Variants in ASTN1 observed in about 807,000 individuals in gnomAD.
ASTN1 encodes astrotactin 1.
ASTN1 carries 41 observed loss-of-function variants against 140.7 expected under a neutral mutation model. The ratio of observed to expected loss-of-function variants is 0.29; its 90% CI spans 0.23 to 0.38. The LOEUF (loss-of-function observed/expected upper bound fraction) is 0.38. Among genes scored for constraint, ASTN1 ranks in the 10% least tolerant of loss-of-function variants. The pLI is 1.00. For synonymous variants in ASTN1, 640 were observed against 652.2 expected, an observed-to-expected ratio of 0.98 and a Z score of 0.29; for missense variants, 1,479 against 1,678.8, an observed-to-expected ratio of 0.88 and a Z score of 2.08.
rs146733432 is a variant in ASTN1 at position 177,149,269 on chromosome 1, C to A, written c.283+15125G>T. Among the ~76,000 whole-genome samples, 417 of 67,220 alleles carry A rather than the reference C, an allele frequency of 6.2e-3. 48 individuals carry two copies. The highest frequency in any genetic ancestry group is 7.0e-3 in the Non-Finnish European group (293 of 41,830). 44.1% of individuals were successfully genotyped at this position (67,220 alleles called of 152,430 possible). ...ACTATATATAGTAAATATATATATA[C>A]TATATATAGTAAATATATATATAGT... On this transcript the variant is annotated intron_variant, in intron 1 of 22. Coordinates refer to ENST00000361833, the MANE Select transcript of ASTN1 (RefSeq NM_004319.3).
chr1:176,894,454 C>T (rs1308449578), intron 17 of ASTN1, 108 bp downstream of exon 17: 1 of 1,394,394 alleles, frequency 7.2e-7, no homozygotes, highest in African/African-American at 1.5e-5. Flanking sequence ...CCTCACTATC[C>T]ATATTCTAGC....
intron 16 of ASTN1, among the ~76,000 whole-genome samples, chr1:176,926,265 AC>A (rs1393566492): frequency 1.4e-5 from 2 of 145,774 alleles, no homozygotes; most frequent in African/African-American, 5.2e-5. Context: ...AGGCGATATA[AC>A]ATGCTTAGCA....
chr1:176,996,312 G>C (rs10913286), intron 8 of ASTN1, among the ~76,000 whole-genome samples: 53,842 of 144,220 alleles, frequency 0.37, 10,568 homozygotes, highest in Non-Finnish European at 0.45. Context: ...CACACACACA[G>C]AGAGAGAGAG....
chr1:176,920,522 C>G (rs1021874243), intron 16 of ASTN1, among the ~76,000 whole-genome samples: 3 of 152,164 alleles, frequency 2.0e-5, no homozygotes, highest in African/African-American at 7.2e-5. Context: ...TTTCGGGGTC[C>G]CTCTGAGGGC....
At chr1:176,886,161 T>C (rs1410352939) in intron 18 of ASTN1, among the ~76,000 whole-genome samples, 1 of 152,228 alleles carries the variant, frequency 6.6e-6, no homozygotes, top group Non-Finnish European at 1.5e-5. Flanking sequence ...CAGACTTGTG[T>C]AAAACTAAAG....
chr1:177,075,645 C>CTTTTT (rs5778927), intron 1 of ASTN1, among the ~76,000 whole-genome samples: 915 of 99,318 alleles, frequency 9.2e-3, no homozygotes, highest in Non-Finnish European at 0.014. Flanking sequence ...CTTTTCTTTT[C>CTTTTT]TTTTTTTTTT....
intron 1 of ASTN1, among the ~76,000 whole-genome samples, chr1:177,134,223 G>A (rs547087340): frequency 1.1e-4 from 17 of 152,178 alleles, no homozygotes; most frequent in Non-Finnish European, 2.4e-4. Context: ...CACTAAATGA[G>A]TTACATTTTC....
At position 176,949,268 on chromosome 1, in the gene ASTN1, G is replaced by A. The variant is rs1386466609; in HGVS notation, c.1971C>T (p.Asn657=). 2 of 1,614,106 alleles carry A rather than the reference G, an allele frequency of 1.2e-6. No individual in the cohort carries two copies. Among genetic ancestry groups the A allele is most frequent in the East Asian group, 2.2e-5 (1 of 44,866 alleles). Residue 657 remains asparagine (N), a synonymous_variant, in exon 12 of 23, where the codon AAC becomes AAT. Transcript: ENST00000361833. Reference sequence around the variant, plus strand: ...GGAGGCACAGCTGCTCACAGCCGCCGTTGAAGCCGTCGGAACAGTCCACCC... The same window carrying A: ...GGAGGCACAGCTGCTCACAGCCGCCATTGAAGCCGTCGGAACAGTCCACCC... ...HIGVDCSDGF[N]GGCEQLCLQQ...
chr1:176,962,982 C>T (rs143316518), intron 9 of ASTN1, among the ~76,000 whole-genome samples: 50 of 152,134 alleles, frequency 3.3e-4, no homozygotes, highest in African/African-American at 9.2e-4. Context: ...TTGATTTGGA[C>T]GATAAAAACT....
chr1:176,965,236 G>T lies in ASTN1; in HGVS notation c.1525C>A (p.Pro509Thr). 1 of 1,613,578 alleles carries T rather than the reference G, an allele frequency of 6.2e-7. No homozygotes were observed. Among genetic ancestry groups the T allele is most frequent in the Non-Finnish European group, 8.5e-7 (1 of 1,179,606 alleles). The change falls in exon 9 of 23, where the codon CCA becomes ACA. Residue 509 changes from proline to threonine, a missense_variant and splice_region_variant. By Grantham distance (38) the Pro-to-Thr change is conservative. Around this residue, in one of 3 missense-constraint regions of ASTN1, gnomAD observed 729 missense variants for 860.4 expected, o/e 0.85. Coordinates refer to ENST00000361833, the MANE Select transcript of ASTN1 (RefSeq NM_004319.3). Reference sequence around the variant, plus strand: ...CGCTGAAATATTGTGTAAGGCCATGGCCTAAAAGAAGAAACATCATTCAAT... The same window carrying T: ...CGCTGAAATATTGTGTAAGGCCATGTCCTAAAAGAAGAAACATCATTCAAT... Reference protein sequence around the residue: ...IRNEWGTNQGPWPYTIFQRGF... With the variant: ...IRNEWGTNQGTWPYTIFQRGF...
intron 1 of ASTN1, among the ~76,000 whole-genome samples, chr1:177,151,426 TAA>T (rs749659942): frequency 7.1e-6 from 1 of 141,270 alleles, no homozygotes; most frequent in Admixed American, 7.1e-5. Context: ...CTTACTTTCT[TAA>T]AAAAAAAAAA....
intron 21 of ASTN1, among the ~76,000 whole-genome samples, chr1:176,870,643 C>A (rs1234158916): frequency 6.6e-6 from 1 of 152,152 alleles, no homozygotes; most frequent in Non-Finnish European, 1.5e-5. Flanking sequence ...TCACTGATAT[C>A]TCTTGATACC....
At chr1:176,946,150 G>T in intron 12 of ASTN1, 30 bp from the exon 13 acceptor site, 2 of 1,504,890 alleles carry the variant, frequency 1.3e-6, no homozygotes, top group Admixed American at 1.9e-5. Context: ...AATATAAGAA[G>T]TTATTCCATC....
At chr1:176,999,087 T>G (rs1006951486) in intron 8 of ASTN1, among the ~76,000 whole-genome samples, 1 of 152,190 alleles carries the variant, frequency 6.6e-6, no homozygotes, top group African/African-American at 2.4e-5. Flanking sequence ...AAAAAACTAT[T>G]GAGGGTCCTG....
rs1270821794 is a variant in ASTN1 at position 176,863,933 on chromosome 1, T to A, written c.*351A>T. ...ACTGAGTGAGCACAGGGTGCCTACT[T>A]AATAGACTTTTCATGGGGAGCACGG... is the stretch of plus-strand genomic sequence containing the variant. On this transcript the variant is annotated 3_prime_UTR_variant, in exon 23 of 23. Transcript: ENST00000361833. The A allele has an allele frequency of 5.2e-5, 56 of 1,079,704 alleles. No homozygotes were observed. In the Admixed American group the frequency reaches 9.3e-4, roughly 18 times the overall value. The allele number at this position is 1,079,704 out of a possible 1,614,324, so 66.9% of individuals were successfully genotyped here.
intron 1 of ASTN1, among the ~76,000 whole-genome samples, chr1:177,146,460 T>C (rs944687084): frequency 6.6e-6 from 1 of 152,226 alleles, no homozygotes; most frequent in Non-Finnish European, 1.5e-5. Context: ...ATTGTCCATG[T>C]TGAGACTTAA....
chr1:177,108,712 T>C (rs898511887), intron 1 of ASTN1, among the ~76,000 whole-genome samples: 1 of 152,188 alleles, frequency 6.6e-6, no homozygotes, highest in Non-Finnish European at 1.5e-5. Flanking sequence ...AAGAAGAAGT[T>C]TGAAAGGCAA....
chr1:177,105,982 C>A (rs763085836), intron 1 of ASTN1, among the ~76,000 whole-genome samples: 1 of 152,160 alleles, frequency 6.6e-6, no homozygotes, highest in South Asian at 2.1e-4. Context: ...GGAGACAGAG[C>A]GAGACCCCAT....
chr1:177,161,656 G>A (rs929341115), intron 1 of ASTN1, among the ~76,000 whole-genome samples: 5 of 152,182 alleles, frequency 3.3e-5, no homozygotes, highest in African/African-American at 1.2e-4. Context: ...GAAGTTGGCT[G>A]CAATCAGAAT....
Sources: allele counts gnomAD v4.1 joint callset (sites outside exome capture counted in the v4.1 genomes callset), GRCh38; gene constraint gnomAD v4.1.1; regional missense constraint gnomAD v4.1.1; transcripts MANE v1.5; gene names NCBI Gene and HGNC (gene_info 2026-07-23, HGNC 2026-07-21).